Variants in DMD observed in about 807,000 individuals in gnomAD.
DMD encodes mutant dystrophin.
A neutral mutation model predicts 330.1 loss-of-function variants in DMD; 63 were observed. That is an observed-to-expected ratio of 0.19 (90% CI 0.16 to 0.24). DMD has a LOEUF of 0.24. Ranked by LOEUF, DMD falls within the 10% of genes least tolerant of loss-of-function variation. The probability of loss-of-function intolerance (pLI) is 1.00; values close to 1 mark genes in which losing one functional copy is unlikely to be tolerated. For synonymous variants in DMD, 1,223 were observed against 959.8 expected, an observed-to-expected ratio of 1.27 and a Z score of -5.07; for missense variants, 3,344 against 2,684.1, an observed-to-expected ratio of 1.25 and a Z score of -5.43.
chrX:32,815,046 G>C (rs1210004683), intron 6 of DMD, among the ~76,000 whole-genome samples: 1 of 110,927 alleles, frequency 9.0e-6, no homozygotes, highest in Non-Finnish European at 1.9e-5. Flanking sequence ...ATTTTCTTCT[G>C]TCATACGAGA....
intron 52 of DMD, among the ~76,000 whole-genome samples, chrX:31,692,469 A>G (rs183580298): frequency 8.9e-6 from 1 of 111,833 alleles, no homozygotes; most frequent in African/African-American, 3.2e-5. Context: ...AAAAAAGTCA[A>G]TAAAACTAAA....
chrX:33,200,945 T>TTTG (rs1165145093), intron 1 of DMD, among the ~76,000 whole-genome samples: 1 of 93,590 alleles, frequency 1.1e-5, no homozygotes, highest in East Asian at 3.3e-4. Flanking sequence ...TTTTTTTTTT[T>TTTG]TTTTGAGACA....
intron 44 of DMD, among the ~76,000 whole-genome samples, chrX:32,214,819 G>A (rs1049899167): frequency 4.5e-5 from 5 of 111,746 alleles, no homozygotes; most frequent in South Asian, 3.7e-4. Context: ...TCAAGCACGC[G>A]CTAAGTTAAA....
At chrX:31,633,971 C>G (rs1341778348) in intron 54 of DMD, among the ~76,000 whole-genome samples, 1 of 111,989 alleles carries the variant, frequency 8.9e-6, no homozygotes, top group Non-Finnish European at 1.9e-5. Context: ...GTTTTTGTAA[C>G]TCTGAAGACA....
At chrX:32,341,900 A>C (rs911841208) in intron 41 of DMD, among the ~76,000 whole-genome samples, 200 bp downstream of exon 41, 1 of 111,266 alleles carries the variant, frequency 9.0e-6, no homozygotes, top group Non-Finnish European at 1.9e-5. Flanking sequence ...TTATCTGTTA[A>C]TTTCTTGTGT....
At chrX:33,063,924 G>T (rs2094611924) in intron 1 of DMD, among the ~76,000 whole-genome samples, 1 of 111,657 alleles carries the variant, frequency 9.0e-6, no homozygotes, top group Non-Finnish European at 1.9e-5. Flanking sequence ...ACCTTCCTAA[G>T]TCCACTTAGA....
intron 12 of DMD, among the ~76,000 whole-genome samples, chrX:32,606,989 A>C (rs901533619): frequency 3.6e-5 from 4 of 109,615 alleles, no homozygotes; most frequent in Non-Finnish European, 7.7e-5. Context: ...ACTACAAAAG[A>C]TTATAGGCTG....
At chrX:32,016,406 T>C (rs1295302028) in intron 44 of DMD, among the ~76,000 whole-genome samples, 1 of 111,514 alleles carries the variant, frequency 9.0e-6, no homozygotes, top group East Asian at 2.8e-4. Context: ...GTTCTTGGAG[T>C]GCATTTCCGT....
intron 62 of DMD, among the ~76,000 whole-genome samples, chrX:31,305,308 A>G (rs2054945756): frequency 9.0e-6 from 1 of 111,506 alleles, no homozygotes; most frequent in South Asian, 3.8e-4. Context: ...TTTGAAATAT[A>G]TGAGACATTA....
chrX:32,797,937 C>A (rs935619582), intron 7 of DMD, among the ~76,000 whole-genome samples: 1 of 111,734 alleles, frequency 8.9e-6, no homozygotes, highest in African/African-American at 3.3e-5. Flanking sequence ...TAATGCACAT[C>A]TTCAATCGCA....
intron 7 of DMD, among the ~76,000 whole-genome samples, chrX:32,731,661 T>A (rs1055063299): frequency 2.7e-5 from 3 of 111,441 alleles, no homozygotes; most frequent in Admixed American, 9.5e-5. Flanking sequence ...TACTGACACC[T>A]CACACGGCAG....
chrX:31,626,239 C>CCT (rs1262424498), intron 55 of DMD, among the ~76,000 whole-genome samples: 2 of 111,540 alleles, frequency 1.8e-5, no homozygotes, highest in Middle Eastern at 4.6e-3. Flanking sequence ...CCCACCTCGG[C>CCT]CTCCCAAAGT....
intron 43 of DMD, among the ~76,000 whole-genome samples, chrX:32,233,743 T>C (rs1334750235): frequency 3.7e-5 from 4 of 108,914 alleles, no homozygotes; most frequent in African/African-American, 1.3e-4. Context: ...AGAGATTCTC[T>C]TGCCTTAGCC....
chrX:32,834,389 G>C (rs1176243723), intron 4 of DMD, among the ~76,000 whole-genome samples: 1 of 111,245 alleles, frequency 9.0e-6, no homozygotes, highest in Admixed American at 9.6e-5. Context: ...GTATTATATG[G>C]CTATTTAAGT....
At chrX:32,597,447 T>A (rs2055686736) in intron 12 of DMD, among the ~76,000 whole-genome samples, 1 of 110,915 alleles carries the variant, frequency 9.0e-6, no homozygotes, top group South Asian at 3.8e-4. Flanking sequence ...CACAGATGAG[T>A]TTGTTCCTTC....
intron 60 of DMD, among the ~76,000 whole-genome samples, chrX:31,361,796 G>T (rs1195120828): frequency 1.2e-5 from 1 of 84,377 alleles, no homozygotes; most frequent in Non-Finnish European, 2.2e-5. Context: ...TTTTTGAGAC[G>T]TCCTGCTCTG....
At chrX:32,057,038 T>C (rs1170836757) in intron 44 of DMD, among the ~76,000 whole-genome samples, 2 of 111,119 alleles carry the variant, frequency 1.8e-5, no homozygotes, top group African/African-American at 6.5e-5. Flanking sequence ...TCTCAATAGC[T>C]GCAGAAAAAG....
intron 72 of DMD, among the ~76,000 whole-genome samples, chrX:31,172,927 G>A (rs754598272): frequency 1.8e-4 from 20 of 111,426 alleles, no homozygotes; most frequent in Non-Finnish European, 2.5e-4. Flanking sequence ...CTTCACCTCA[G>A]GCAATTATAC....
intron 1 of DMD, among the ~76,000 whole-genome samples, chrX:33,305,188 C>G (rs1159333268): frequency 1.1e-4 from 12 of 105,866 alleles, no homozygotes; most frequent in Admixed American, 7.2e-4. Context: ...CAATGATAGA[C>G]TGGATTAAGA....
Sources: allele counts gnomAD v4.1 joint callset (sites outside exome capture counted in the v4.1 genomes callset), GRCh38; gene constraint gnomAD v4.1.1; transcripts MANE v1.5; gene names NCBI Gene and HGNC (gene_info 2026-07-23, HGNC 2026-07-21).